Variants in KIAA1671 observed in about 807,000 individuals in gnomAD.
KIAA1671 encodes KIAA1671, also known as uncharacterized protein KIAA1671.
Under a neutral mutation model 131.2 loss-of-function variants are expected in KIAA1671, and 52 were observed. The observed-to-expected ratio is 0.40, with a 90% CI of 0.32 to 0.50. The LOEUF is 0.50. KIAA1671 is among the 20% of genes least tolerant of loss of function. The probability of loss-of-function intolerance (pLI) is 0.73; values close to 1 mark genes in which losing one functional copy is unlikely to be tolerated. For synonymous variants in KIAA1671, 1,003 were observed against 961.6 expected, an observed-to-expected ratio of 1.04 and a Z score of -0.80; for missense variants, 2,360 against 2,364.2, an observed-to-expected ratio of 1.00 and a Z score of 0.04.
At chr22:25,091,843 T>A (rs1930043923) in intron 6 of KIAA1671, among the ~76,000 whole-genome samples, 1 of 152,206 alleles carries the variant, frequency 6.6e-6, no homozygotes, top group African/African-American at 2.4e-5. Flanking sequence ...GAGCATCTCC[T>A]AGGCTCTGGT....
intron 6 of KIAA1671, among the ~76,000 whole-genome samples, chr22:25,142,175 T>A (rs375818953): frequency 1.3e-5 from 2 of 151,988 alleles, no homozygotes; most frequent in Non-Finnish European, 2.9e-5. Context: ...ATCCTAGGGG[T>A]TGGGGGCACT....
intron 11 of KIAA1671, chr22:25,185,726 A>G (rs1169830502): frequency 6.6e-6 from 1 of 152,302 alleles, no homozygotes; most frequent in Non-Finnish European, 1.5e-5. Flanking sequence ...TAATTCCACC[A>G]TTGCTGCTTA....
rs529347887 is a variant in KIAA1671 at position 25,166,197 on chromosome 22, C to G, written c.4531-4623C>G. Among the ~76,000 whole-genome samples, 4 of 152,230 alleles carry G rather than the reference C, an allele frequency of 2.6e-5. No homozygotes were observed. In the South Asian group the frequency reaches 8.3e-4, roughly 32 times the overall value. ...AAAGAGACTTTGAAGGACTGAGGAT[C>G]GATGCAGTATGGCAGTGAAGGAGAG... On this transcript the variant is annotated intron_variant, in intron 6 of 12. Coordinates refer to ENST00000358431, the MANE Select transcript of KIAA1671 (RefSeq NM_001145206.2).
chr22:25,025,431 T>C (rs1484739761), intron 1 of KIAA1671, among the ~76,000 whole-genome samples: 2 of 152,154 alleles, frequency 1.3e-5, no homozygotes, highest in African/African-American at 4.8e-5. Flanking sequence ...GGGAAGATTT[T>C]TATTGAGCAC....
intron 1 of KIAA1671, among the ~76,000 whole-genome samples, chr22:24,986,832 T>C (rs1198717779): frequency 6.6e-6 from 1 of 152,008 alleles, no homozygotes; most frequent in Non-Finnish European, 1.5e-5. Flanking sequence ...CCCTGACCCC[T>C]TTCAGGCACT....
chr22:25,140,649 C>CG (rs1239461301), intron 6 of KIAA1671, among the ~76,000 whole-genome samples: 2 of 152,132 alleles, frequency 1.3e-5, no homozygotes, highest in Admixed American at 1.3e-4. Context: ...AGGGGCACCT[C>CG]GGGGTCTGTC....
chr22:24,956,952 C>T (rs550795564), intron 1 of KIAA1671, among the ~76,000 whole-genome samples: 1 of 151,816 alleles, frequency 6.6e-6, no homozygotes, highest in East Asian at 1.9e-4. Flanking sequence ...CTGCTCCTGG[C>T]TGTGGCCTTG....
chr22:24,977,988 A>G (rs549674533), intron 1 of KIAA1671, among the ~76,000 whole-genome samples: 3 of 152,152 alleles, frequency 2.0e-5, no homozygotes, highest in Non-Finnish European at 4.4e-5. Flanking sequence ...GGAAATGATC[A>G]TGGCCACCAC....
At chr22:25,002,627 G>A (rs1249283551) in intron 1 of KIAA1671, among the ~76,000 whole-genome samples, 3 of 152,178 alleles carry the variant, frequency 2.0e-5, no homozygotes, top group African/African-American at 7.2e-5. Context: ...AACTGCAGAT[G>A]TTCTTAGACC....
chr22:25,082,982 A>G (rs904902796), intron 6 of KIAA1671, among the ~76,000 whole-genome samples: 1 of 152,174 alleles, frequency 6.6e-6, no homozygotes, highest in African/African-American at 2.4e-5. Context: ...TTGACCTAAT[A>G]TTTTGTTGCT....
intron 6 of KIAA1671, among the ~76,000 whole-genome samples, chr22:25,156,935 A>C (rs766767360): frequency 6.6e-6 from 1 of 152,204 alleles, no homozygotes; most frequent in Non-Finnish European, 1.5e-5. Flanking sequence ...GTTTACACGT[A>C]CGCTGCAAGG....
In KIAA1671 at chr22:25,038,879, C is replaced by G; in HGVS notation, c.1749C>G (p.Asp583Glu). 14 of 1,551,788 alleles carry G rather than the reference C, an allele frequency of 9.0e-6. No individual in the cohort carries two copies. The South Asian group carries it at 1.7e-4, about 18-fold the overall frequency. ...EQKVSSNQDP[D>E]SCRGGSSVEA... is the part of the protein sequence containing the mutation. Reference sequence around the variant, plus strand: ...AGGTTAGCTCTAACCAAGACCCCGACAGCTGTCGCGGTGGAAGCTCAGTGG... The same window carrying G: ...AGGTTAGCTCTAACCAAGACCCCGAGAGCTGTCGCGGTGGAAGCTCAGTGG... Residue 583 changes from aspartate (D) to glutamate (E), a missense_variant, in exon 5 of 13, where the codon GAC (aspartate) becomes GAG (glutamate). Coordinates refer to ENST00000358431, the MANE Select transcript of KIAA1671 (RefSeq NM_001145206.2).
rs988540716 is a variant in KIAA1671, at chr22:25,099,558, T to G, written c.4530+50194T>G. The stretch of plus-strand genomic sequence containing the variant: ...GTGGGTTTTTTTGTTTTTTTTTTTT[T>G]TTTTTTTTTTTTTTTAGATAGAGTC... On this transcript the variant is annotated intron_variant, in intron 6 of 12. Coordinates refer to ENST00000358431, the MANE Select transcript of KIAA1671 (RefSeq NM_001145206.2). 1.6e-4 allele frequency among the ~76,000 whole-genome samples: 9 copies of G among 56,726 alleles called. No homozygotes were observed. In the East Asian group the frequency reaches 2.0e-3, roughly 13 times the overall value. 37.2% of individuals were successfully genotyped at this position (56,726 alleles called of 152,430 possible). A position where few individuals can be genotyped will look rare whatever the true frequency, so the allele number is the denominator to read the frequency against.
Position 25,019,324 on chromosome 22 carries a change from G to A in KIAA1671, c.-207-6309G>A, listed in dbSNP as rs974672778. On this transcript the variant is annotated intron_variant, in intron 1 of 12. Coordinates refer to ENST00000358431, the MANE Select transcript of KIAA1671 (RefSeq NM_001145206.2). Reference sequence around the variant, plus strand: ...TAATAGGACCTGCCTCTTTGGGATGGTAAAGGGATGAAATGAAATAATCCT... The same window carrying A: ...TAATAGGACCTGCCTCTTTGGGATGATAAAGGGATGAAATGAAATAATCCT... Among the ~76,000 whole-genome samples, 15 of 152,216 alleles carry A rather than the reference G, an allele frequency of 9.9e-5. No individual in the cohort carries two copies. In the East Asian group the frequency reaches 2.5e-3, roughly 25 times the overall value.
intron 1 of KIAA1671, among the ~76,000 whole-genome samples, chr22:24,998,448 G>A (rs1175142400): frequency 2.0e-5 from 3 of 151,630 alleles, no homozygotes; most frequent in Non-Finnish European, 4.4e-5. Flanking sequence ...GGCCGGGCAC[G>A]GTGGCTCACA....
At position 25,163,469 on chromosome 22, in the gene KIAA1671, T is replaced by C. The variant is rs534821374; in HGVS notation, c.4531-7351T>C. ...TTTTTTTTTTTTTTTTGAGATGGAG[T>C]CTCACACTGTCACCCAGGCTGGAGT... On this transcript the variant is annotated intron_variant, in intron 6 of 12. Coordinates refer to ENST00000358431, the MANE Select transcript of KIAA1671 (RefSeq NM_001145206.2). 1.0e-4 allele frequency among the ~76,000 whole-genome samples: 13 copies of C among 129,632 alleles called. No homozygotes were observed. In the East Asian group the frequency reaches 1.6e-3, roughly 16 times the overall value. 85.0% of individuals were successfully genotyped at this position (129,632 alleles called of 152,430 possible).
chr22:25,141,215 AT>A (rs1270411666), intron 6 of KIAA1671, among the ~76,000 whole-genome samples: 1 of 152,088 alleles, frequency 6.6e-6, no homozygotes, highest in East Asian at 1.9e-4. Context: ...CAGTGGTGAG[AT>A]TGCATGTTTT....
At chr22:25,016,984 A>G (rs947752250) in intron 1 of KIAA1671, among the ~76,000 whole-genome samples, 2 of 152,208 alleles carry the variant, frequency 1.3e-5, no homozygotes, top group Non-Finnish European at 2.9e-5. Flanking sequence ...TTCTGCAGTC[A>G]TATTGATACC....
intron 1 of KIAA1671, among the ~76,000 whole-genome samples, chr22:24,971,785 T>C (rs1263473576): frequency 1.3e-5 from 2 of 152,170 alleles, no homozygotes; most frequent in Non-Finnish European, 2.9e-5. Flanking sequence ...GTTGGGGGGT[T>C]ACCTGGGCTT....
Sources: gnomAD v4.1 joint callset for allele counts (sites outside exome capture counted in the v4.1 genomes callset) on GRCh38, gnomAD v4.1.1 for gene constraint, MANE v1.5 for transcripts, NCBI Gene and HGNC (gene_info 2026-07-23, HGNC 2026-07-21) for gene names.